Variants in WDR1 observed in about 807,000 individuals in gnomAD.
WDR1 encodes the protein WD repeat-containing protein 1.
WDR1 carries 21 observed loss-of-function variants against 71.9 expected under a neutral mutation model. The ratio of observed to expected loss-of-function variants is 0.29; its 90% CI spans 0.21 to 0.42. The LOEUF is 0.42. Ranked by LOEUF, WDR1 falls within the 10% of genes least tolerant of loss-of-function variation. The probability of loss-of-function intolerance (pLI) is 1.00; values close to 1 mark genes in which losing one functional copy is unlikely to be tolerated. For missense variants in WDR1, 696 were observed against 824.5 expected, an observed-to-expected ratio of 0.84 and a Z score of 1.91; for synonymous variants, 424 against 347.4, an observed-to-expected ratio of 1.22 and a Z score of -2.45.
intron 11 of WDR1, among the ~76,000 whole-genome samples, chr4:10,080,521 A>G (rs975487186): frequency 3.3e-5 from 5 of 152,230 alleles, no homozygotes; most frequent in African/African-American, 7.2e-5. Context: ...AGAGAAATCC[A>G]CTGTCCCTAA....
At chr4:10,081,659 G>A (rs1477682029) in intron 10 of WDR1, among the ~76,000 whole-genome samples, 1 of 99,250 alleles carries the variant, frequency 1.0e-5, no homozygotes, top group East Asian at 5.4e-4. Context: ...GGCCCGGGGA[G>A]GGGTGGGGGG....
At chr4:10,107,580 T>C (rs567447642) in intron 2 of WDR1, among the ~76,000 whole-genome samples, 3 of 152,066 alleles carry the variant, frequency 2.0e-5, no homozygotes, top group Admixed American at 6.5e-5. Context: ...ACCCCAACCC[T>C]TGAGGATAGA....
chr4:10,082,630 T>C (rs924459311), intron 10 of WDR1, among the ~76,000 whole-genome samples: 1 of 151,222 alleles, frequency 6.6e-6, no homozygotes, highest in Admixed American at 6.6e-5. Flanking sequence ...AATGCTGTCT[T>C]GTACTCAGCA....
At chr4:10,107,619 C>G (rs974366962) in intron 2 of WDR1, among the ~76,000 whole-genome samples, 2 of 152,158 alleles carry the variant, frequency 1.3e-5, no homozygotes, top group African/African-American at 4.8e-5. Context: ...CCTTGCTGGC[C>G]CCAGACCCCT....
chr4:10,114,521 G>C (rs1038897283), intron 2 of WDR1, among the ~76,000 whole-genome samples: 1 of 152,226 alleles, frequency 6.6e-6, no homozygotes, highest in African/African-American at 2.4e-5. Context: ...CCCCCTCCCT[G>C]GAAGTCAATG....
intron 5 of WDR1, among the ~76,000 whole-genome samples, chr4:10,091,034 C>G (rs1711943325): frequency 6.6e-6 from 1 of 152,232 alleles, no homozygotes; most frequent in South Asian, 2.1e-4. Context: ...GGCTGGCGAG[C>G]CCTTTGCCTG....
chr4:10,115,926 G>T, intron 2 of WDR1, 187 bp downstream of exon 2: 1 of 708,652 alleles, frequency 1.4e-6, no homozygotes, highest in Non-Finnish European at 2.3e-6. Flanking sequence ...AGAAGGAGCA[G>T]ACAAGGACCT....
At chr4:10,080,316 G>T (rs367965495) in intron 11 of WDR1, among the ~76,000 whole-genome samples, 176 of 152,256 alleles carry the variant, frequency 1.2e-3, no homozygotes, top group African/African-American at 4.0e-3. Flanking sequence ...CCCATGTGCA[G>T]ACCCCTTGGC....
In WDR1 at chr4:10,116,672, C is replaced by G. The variant is rs1713762037; in HGVS notation, c.-6G>C. ...TTACTGATCTCGTACGGCATCCTCGCCCACTTGTTACCGCGCCGCGCTCGC... is the reference window on the plus strand; with the variant it reads ...TTACTGATCTCGTACGGCATCCTCGGCCACTTGTTACCGCGCCGCGCTCGC... On this transcript the variant is annotated 5_prime_UTR_variant, in exon 1 of 15. Coordinates refer to ENST00000499869, the MANE Select transcript of WDR1 (RefSeq NM_017491.5). 1.2e-5 allele frequency: 16 copies of G among 1,350,150 alleles called. No homozygotes were observed. The highest frequency in any genetic ancestry group is 1.4e-5 in the Non-Finnish European group (15 of 1,043,740). The allele number at this position is 1,350,150 out of a possible 1,614,324, so 83.6% of individuals were successfully genotyped here. A position where few individuals can be genotyped will look rare whatever the true frequency, so the allele number is the denominator to read the frequency against.
In WDR1 at chr4:10,081,664, G is replaced by C. The variant is rs1470412166; in HGVS notation, c.1197-220C>G. Among the ~76,000 whole-genome samples, 58 of 20,096 alleles carry C rather than the reference G, an allele frequency of 2.9e-3. 1 individual carries two copies. In the South Asian group the frequency reaches 0.2, roughly 69 times the overall value. 13.2% of individuals were successfully genotyped at this position (20,096 alleles called of 152,430 possible). A position where few individuals can be genotyped will look rare whatever the true frequency, so the allele number is the denominator to read the frequency against. ...TCATAATGGGGGCCCGGGGAGGGGTGGGGGGGGGGGAAGGAGGGGCGGGAG... is the reference window on the plus strand; with the variant it reads ...TCATAATGGGGGCCCGGGGAGGGGTCGGGGGGGGGGAAGGAGGGGCGGGAG... On this transcript the variant is annotated intron_variant, in intron 10 of 14. Transcript: ENST00000499869.
At chr4:10,101,940 A>C (rs1405503508) in intron 3 of WDR1, among the ~76,000 whole-genome samples, 1 of 152,264 alleles carries the variant, frequency 6.6e-6, no homozygotes, top group Non-Finnish European at 1.5e-5. Context: ...TCACAGAGCT[A>C]AATAAATCAT....
In WDR1 at chr4:10,075,302, T is replaced by TA; in HGVS notation, c.*75dup. 1 of 1,393,678 alleles carries TA rather than the reference T, an allele frequency of 7.2e-7. No individual in the cohort carries two copies. Among genetic ancestry groups the TA allele is most frequent in the Non-Finnish European group, 1.0e-6 (1 of 991,418 alleles). 86.3% of individuals were successfully genotyped at this position (1,393,678 alleles called of 1,614,324 possible). A position where few individuals can be genotyped will look rare whatever the true frequency, so the allele number is the denominator to read the frequency against. On this transcript the variant is annotated 3_prime_UTR_variant, in exon 15 of 15. Transcript: ENST00000499869. ...GGGGCATGGGGGCGCGTCACAGAAA[T>TA]AGAGAAATGACATGTTCCGCTGCAG...
chr4:10,089,106 G>T (rs2109659572), intron 5 of WDR1, among the ~76,000 whole-genome samples: 1 of 152,312 alleles, frequency 6.6e-6, no homozygotes, highest in South Asian at 2.1e-4. Flanking sequence ...GCTGAGACCA[G>T]GAGGCCTCTT....
intron 10 of WDR1, among the ~76,000 whole-genome samples, chr4:10,082,370 A>G (rs910547297): frequency 3.9e-5 from 6 of 152,086 alleles, no homozygotes; most frequent in South Asian, 2.1e-4. Context: ...AGGGGTCTAC[A>G]CAAGAAATGT....
intron 2 of WDR1, among the ~76,000 whole-genome samples, chr4:10,111,901 AACTCAATTTTATAG>A (rs1324013243): frequency 5.3e-5 from 8 of 151,148 alleles, no homozygotes; most frequent in African/African-American, 1.9e-4. Flanking sequence ...CACTCCCGGA[AACTCAATTTTATAG>A]ACATCATTTT....
intron 8 of WDR1, 33 bp downstream of exon 8, chr4:10,087,674 A>G: frequency 6.5e-7 from 1 of 1,537,348 alleles, no homozygotes; most frequent in Non-Finnish European, 8.8e-7. Flanking sequence ...CTGTCCACCC[A>G]GCGGGCAGAG....
chr4:10,084,377 A>C, intron 9 of WDR1, 66 bp downstream of exon 9: 1 of 1,490,076 alleles, frequency 6.7e-7, no homozygotes, highest in Non-Finnish European at 9.2e-7. Flanking sequence ...CTCTGGCATC[A>C]TGGGAACAGG....
intron 3 of WDR1, among the ~76,000 whole-genome samples, chr4:10,101,044 C>T (rs562883967): frequency 7.2e-5 from 11 of 152,364 alleles, no homozygotes; most frequent in Non-Finnish European, 8.8e-5. Flanking sequence ...CCTGGGCCTA[C>T]GTAAGGCCAA....
intron 2 of WDR1, among the ~76,000 whole-genome samples, chr4:10,109,353 C>G (rs962779510): frequency 6.6e-6 from 1 of 152,252 alleles, no homozygotes; most frequent in Non-Finnish European, 1.5e-5. Flanking sequence ...GGTCACGTCA[C>G]TGCAAATCAG....
Sources: allele counts gnomAD v4.1 joint callset (sites outside exome capture counted in the v4.1 genomes callset), GRCh38; gene constraint gnomAD v4.1.1; transcripts MANE v1.5; gene names NCBI Gene and HGNC (gene_info 2026-07-23, HGNC 2026-07-21).